SEMA5A: variants seen among roughly 807,000 people sequenced by gnomAD.
The protein encoded by SEMA5A is semaphorin 5A.
SEMA5A carries 55 observed loss-of-function variants against 135.5 expected under a neutral mutation model. That is an observed-to-expected ratio of 0.41 (90% CI 0.33 to 0.51). The LOEUF is 0.51. Among genes scored for constraint, SEMA5A ranks in the 20% least tolerant of loss-of-function variants. SEMA5A has a pLI of 0.37. For missense variants in SEMA5A, 1,290 were observed against 1,419.9 expected, an observed-to-expected ratio of 0.91 and a Z score of 1.47; for synonymous variants, 580 against 546.5, an observed-to-expected ratio of 1.06 and a Z score of -0.85.
At chr5:9,230,165 T>C (rs112583551) in intron 6 of SEMA5A, among the ~76,000 whole-genome samples, 17 of 139,900 alleles carry the variant, frequency 1.2e-4, no homozygotes, top group African/African-American at 2.4e-4. Context: ...TTTCTTTTTT[T>C]TTTTTTTTTT....
At chr5:9,065,612 G>C (rs1028763374) in intron 17 of SEMA5A, among the ~76,000 whole-genome samples, 1 of 152,228 alleles carries the variant, frequency 6.6e-6, no homozygotes, top group African/African-American at 2.4e-5. Context: ...TCATCAAACT[G>C]TGTACCAAGG....
At chr5:9,077,968 A>G (rs1016326149) in intron 16 of SEMA5A, among the ~76,000 whole-genome samples, 1 of 152,234 alleles carries the variant, frequency 6.6e-6, no homozygotes. Context: ...AACAGCCTAA[A>G]GCTCAGGAGA....
At chr5:9,274,946 T>C (rs1750176847) in intron 5 of SEMA5A, among the ~76,000 whole-genome samples, 1 of 151,812 alleles carries the variant, frequency 6.6e-6, no homozygotes. Flanking sequence ...GCAAACACAT[T>C]CAAAAGCCAG....
At chr5:9,359,672 T>C (rs1754604685) in intron 3 of SEMA5A, among the ~76,000 whole-genome samples, 1 of 152,164 alleles carries the variant, frequency 6.6e-6, no homozygotes, top group Admixed American at 6.5e-5. Context: ...TTTAACCAAT[T>C]CCAATTAATT....
chr5:9,143,933 T>C (rs924803194), intron 12 of SEMA5A, among the ~76,000 whole-genome samples: 1 of 152,200 alleles, frequency 6.6e-6, no homozygotes, highest in Non-Finnish European at 1.5e-5. Context: ...GCTAGGATTG[T>C]ACCAGGGGAC....
chr5:9,287,332 C>T (rs966564348), intron 5 of SEMA5A, among the ~76,000 whole-genome samples: 6 of 152,170 alleles, frequency 3.9e-5, no homozygotes, highest in Non-Finnish European at 8.8e-5. Flanking sequence ...TTAGACATCA[C>T]ATAATACAAT....
intron 1 of SEMA5A, among the ~76,000 whole-genome samples, chr5:9,472,142 A>G (rs558673198): frequency 6.6e-6 from 1 of 152,306 alleles, no homozygotes; most frequent in Admixed American, 6.5e-5. Flanking sequence ...CTATTGACTC[A>G]TTGCTTCTAT....
chr5:9,246,107 T>A (rs190574275), intron 5 of SEMA5A, among the ~76,000 whole-genome samples: 1 of 152,240 alleles, frequency 6.6e-6, no homozygotes, highest in East Asian at 1.9e-4. Context: ...ATTTCTAAGG[T>A]AAGGCTCATA....
At chr5:9,123,990 A>T (rs1160219606) in intron 13 of SEMA5A, among the ~76,000 whole-genome samples, 1 of 152,148 alleles carries the variant, frequency 6.6e-6, no homozygotes, top group Non-Finnish European at 1.5e-5. Flanking sequence ...AGAAAGAGCC[A>T]AGTAGAGGGG....
intron 16 of SEMA5A, among the ~76,000 whole-genome samples, chr5:9,089,811 C>T (rs1738933534): frequency 6.6e-6 from 1 of 152,132 alleles, no homozygotes; most frequent in African/African-American, 2.4e-5. Context: ...AAGAAGCTCC[C>T]ATTCACTCTA....
At chr5:9,244,005 A>G (rs919583122) in intron 5 of SEMA5A, among the ~76,000 whole-genome samples, 5 of 152,178 alleles carry the variant, frequency 3.3e-5, no homozygotes, top group Non-Finnish European at 2.9e-5. Context: ...TTCCCTTGTC[A>G]TAGAATGTAT....
intron 3 of SEMA5A, among the ~76,000 whole-genome samples, chr5:9,341,981 G>T (rs74332068): frequency 1.3e-5 from 2 of 150,978 alleles, no homozygotes; most frequent in Non-Finnish European, 2.9e-5. Context: ...TTCAAGAAAC[G>T]ATTTATTTTA....
chr5:9,281,253 A>T (rs1259670784), intron 5 of SEMA5A, among the ~76,000 whole-genome samples: 1 of 152,240 alleles, frequency 6.6e-6, no homozygotes, highest in East Asian at 1.9e-4. Context: ...CTCTTCTATA[A>T]TGTAAATACC....
At chr5:9,341,501 G>A (rs943661192) in intron 3 of SEMA5A, among the ~76,000 whole-genome samples, 3 of 151,838 alleles carry the variant, frequency 2.0e-5, no homozygotes, top group Non-Finnish European at 2.9e-5. Context: ...ACAGCAAGTG[G>A]TGAATTGAGG....
intron 5 of SEMA5A, among the ~76,000 whole-genome samples, chr5:9,291,761 C>CTT (rs57416491): frequency 1.4e-3 from 176 of 128,192 alleles, no homozygotes; most frequent in Middle Eastern, 3.9e-3. Flanking sequence ...CAGCCAAGTT[C>CTT]TTTTTTTTTT....
intron 5 of SEMA5A, among the ~76,000 whole-genome samples, chr5:9,274,456 G>C (rs1364186738): frequency 6.6e-6 from 1 of 152,128 alleles, no homozygotes; most frequent in Non-Finnish European, 1.5e-5. Flanking sequence ...TCCAGGACTT[G>C]AACTCAGCTC....
chr5:9,123,298 T>C (rs544604126), intron 13 of SEMA5A, among the ~76,000 whole-genome samples: 19 of 107,360 alleles, frequency 1.8e-4, no homozygotes, highest in Admixed American at 8.8e-4. Context: ...AAAAAAAGAT[T>C]GCATAAGGGA....
intron 10 of SEMA5A, 40 bp downstream of exon 10, chr5:9,197,128 G>A (rs757700721): frequency 6.2e-7 from 1 of 1,612,764 alleles, no homozygotes; most frequent in Non-Finnish European, 8.5e-7. Flanking sequence ...CATTCTTCAT[G>A]GGGGATGCCA....
chr5:9,432,307 C>T (rs569992757), intron 2 of SEMA5A, among the ~76,000 whole-genome samples: 23 of 152,158 alleles, frequency 1.5e-4, no homozygotes, highest in Non-Finnish European at 2.5e-4. Context: ...ACCTTTATCC[C>T]AAATTACAAC....
Sources: gnomAD v4.1 joint callset for allele counts (sites outside exome capture counted in the v4.1 genomes callset) on GRCh38, gnomAD v4.1.1 for gene constraint, MANE v1.5 for transcripts, NCBI Gene and HGNC (gene_info 2026-07-23, HGNC 2026-07-21) for gene names.